The following PPP4R3B variants were observed in gnomAD, a reference collection of about 807,000 sequenced individuals.
PPP4R3B encodes protein phosphatase 4 regulatory subunit 3B.
PPP4R3B carries 52 observed loss-of-function variants against 95.4 expected under a neutral mutation model. That is an observed-to-expected ratio of 0.54 (90% CI 0.44 to 0.69). The LOEUF (loss-of-function observed/expected upper bound fraction) is 0.69, where lower values mean the gene tolerates loss of function less well. PPP4R3B is among the 30% of genes least tolerant of loss of function. The pLI is 0.00. For synonymous variants in PPP4R3B, 407 were observed against 343.9 expected (o/e 1.18, Z -2.03); for missense variants, 1,003 against 1,005.9 (o/e 1.00, Z 0.04).
At chr2:55,567,135 T>C (rs1416656015) in intron 13 of PPP4R3B, among the ~76,000 whole-genome samples, 2 of 152,246 alleles carry the variant, frequency 1.3e-5, no homozygotes, top group African/African-American at 4.8e-5. Context: ...CAGTTATCTG[T>C]TGCATTCCTG....
intron 2 of PPP4R3B, among the ~76,000 whole-genome samples, chr2:55,613,306 A>T (rs1452481551): frequency 2.0e-5 from 3 of 151,628 alleles, no homozygotes; most frequent in African/African-American, 7.3e-5. Context: ...GTGTTTCCAT[A>T]TTCTTCTCAT....
chr2:55,596,001 G>A (rs1691724134), intron 4 of PPP4R3B, among the ~76,000 whole-genome samples: 1 of 152,150 alleles, frequency 6.6e-6, no homozygotes, highest in African/African-American at 2.4e-5. Flanking sequence ...TACTGTTAGG[G>A]TGTAAAGGAT....
At position 55,579,609 on chromosome 2, in the gene PPP4R3B, T is replaced by C. The variant is rs972081882; in HGVS notation, c.1468+70A>G. On this transcript the variant is annotated intron_variant, in intron 9 of 16. Transcript: ENST00000616407. Reference sequence around the variant, plus strand: ...CTTATAAAGTCTCAAGTAAATTGCCTGTTAGTTTAATATTTATCTCATCCT... The same window carrying C: ...CTTATAAAGTCTCAAGTAAATTGCCCGTTAGTTTAATATTTATCTCATCCT... The C allele has an allele frequency of 2.2e-5, 23 of 1,061,900 alleles. No individual in the cohort carries two copies. In the Admixed American group the frequency reaches 6.3e-4, roughly 29 times the overall value. The allele number at this position is 1,061,900 out of a possible 1,614,324, so 65.8% of individuals were successfully genotyped here. A position where few individuals can be genotyped will look rare whatever the true frequency, so the allele number is the denominator to read the frequency against.
At chr2:55,611,953 G>A (rs941564234) in intron 2 of PPP4R3B, among the ~76,000 whole-genome samples, 5 of 152,050 alleles carry the variant, frequency 3.3e-5, no homozygotes, top group East Asian at 1.9e-4. Context: ...GGCTGTTCCC[G>A]AAATCCTCAG....
In PPP4R3B at chr2:55,577,347, A is replaced by C; in HGVS notation, c.1574T>G (p.Val525Gly). 1 of 1,538,918 alleles carries C rather than the reference A, an allele frequency of 6.5e-7. No individual in the cohort carries two copies. Among genetic ancestry groups the C allele is most frequent in the Non-Finnish European group, 8.7e-7 (1 of 1,147,986 alleles). The change falls in exon 11 of 17, where the codon GTT (valine) becomes GGT (glycine). Residue 525 changes from valine (V) to glycine (G), a missense_variant. Transcript: ENST00000616407. ...AATTGTGTTGTTTTTGTTTGATCCAACTATATTATCTAATAAAAAAATTAA... is the reference window on the plus strand; with the variant it reads ...AATTGTGTTGTTTTTGTTTGATCCACCTATATTATCTAATAAAAAAATTAA... ...PSSSISQDNIVGSNKNNTICP... is the reference protein window; with the variant it reads ...PSSSISQDNIGGSNKNNTICP...
At chr2:55,579,849 T>A in intron 8 of PPP4R3B, 68 bp from the exon 9 acceptor site, 1 of 938,504 alleles carries the variant, frequency 1.1e-6, no homozygotes, top group Non-Finnish European at 1.6e-6. Context: ...AGATTAGCAG[T>A]ACATACCTTT....
chr2:55,554,360 G>A (rs1045965916), intron 16 of PPP4R3B, among the ~76,000 whole-genome samples: 12 of 152,278 alleles, frequency 7.9e-5, no homozygotes, highest in African/African-American at 2.9e-4. Context: ...GGCCTGTTGT[G>A]CTATTTTATA....
intron 16 of PPP4R3B, among the ~76,000 whole-genome samples, chr2:55,550,787 C>T (rs1685158354): frequency 6.6e-6 from 1 of 152,134 alleles, no homozygotes. Context: ...GTAACTCATA[C>T]TTCATACCTG....
At chr2:55,595,757 C>G (rs981673980) in intron 4 of PPP4R3B, among the ~76,000 whole-genome samples, 10 of 143,214 alleles carry the variant, frequency 7.0e-5, no homozygotes, top group Non-Finnish European at 1.4e-4. Flanking sequence ...AAAAAAAACA[C>G]AGCCTCACAC....
At chr2:55,609,833 T>C (rs902604987) in intron 2 of PPP4R3B, among the ~76,000 whole-genome samples, 2 of 152,188 alleles carry the variant, frequency 1.3e-5, no homozygotes, top group African/African-American at 4.8e-5. Context: ...ATTGTATGCA[T>C]ATTTGCTTAC....
intron 15 of PPP4R3B, among the ~76,000 whole-genome samples, chr2:55,559,698 C>A (rs951373801): frequency 1.3e-5 from 2 of 152,192 alleles, no homozygotes; most frequent in Admixed American, 1.3e-4. Context: ...GAGGCCTCCC[C>A]AGCTATGTGG....
chr2:55,596,522 T>C (rs1691795009), intron 4 of PPP4R3B, among the ~76,000 whole-genome samples: 1 of 152,224 alleles, frequency 6.6e-6, no homozygotes, highest in African/African-American at 2.4e-5. Flanking sequence ...AATAGAATGA[T>C]GTCTTCTGTT....
At chr2:55,602,485 A>G (rs1692756890) in intron 3 of PPP4R3B, among the ~76,000 whole-genome samples, 2 of 152,160 alleles carry the variant, frequency 1.3e-5, no homozygotes, top group East Asian at 1.9e-4. Context: ...TATGCTAACA[A>G]TGTGCTATGT....
chr2:55,613,954 AT>A (rs1183702345), intron 2 of PPP4R3B, among the ~76,000 whole-genome samples: 2 of 152,156 alleles, frequency 1.3e-5, no homozygotes, highest in African/African-American at 4.8e-5. Context: ...ATTTACTTAA[AT>A]GTCTACCTTA....
Position 55,578,295 on chromosome 2 carries a change from G to A in PPP4R3B, c.1516C>T (p.Pro506Ser), listed in dbSNP as rs753640987. The A allele has an allele frequency of 5.4e-6, 8 of 1,475,518 alleles. No individual in the cohort carries two copies. In the South Asian group the frequency reaches 9.0e-5, roughly 17 times the overall value. The allele number at this position is 1,475,518 out of a possible 1,614,324, so 91.4% of individuals were successfully genotyped here. A position where few individuals can be genotyped will look rare whatever the true frequency, so the allele number is the denominator to read the frequency against. ...GTAGAATGGGAATGGGAATGTGAAG[G>A]GGTACATATGAAACTCCAACTATAT... ...YRYSWSFICT[P>S]SHSHSHSTPS... Residue 506 changes from proline (P) to serine (S), a missense_variant, in exon 10 of 17, where the codon CCT becomes TCT. Around this residue, in one of 3 missense-constraint regions of PPP4R3B, gnomAD observed 695 missense variants for 686.2 expected, o/e 1.01. Transcript: ENST00000616407.
At chr2:55,582,566 G>A (rs1178822548) in intron 7 of PPP4R3B, among the ~76,000 whole-genome samples, 1 of 152,128 alleles carries the variant, frequency 6.6e-6, no homozygotes, top group East Asian at 1.9e-4. Flanking sequence ...TTAAAATTAA[G>A]ATACATTTTG....
chr2:55,560,563 A>G (rs1490320568), intron 15 of PPP4R3B, among the ~76,000 whole-genome samples: 37 of 152,104 alleles, frequency 2.4e-4, no homozygotes, highest in African/African-American at 8.4e-4. Context: ...CGGATCACGA[A>G]GTCAGGAGTT....
chr2:55,562,724 C>T (rs866125409), intron 15 of PPP4R3B, among the ~76,000 whole-genome samples: 6 of 152,288 alleles, frequency 3.9e-5, no homozygotes, highest in African/African-American at 1.4e-4. Flanking sequence ...AAGGACCTTA[C>T]GGATCATAAC....
intron 2 of PPP4R3B, among the ~76,000 whole-genome samples, chr2:55,609,171 T>C (rs915204396): frequency 3.9e-5 from 6 of 152,106 alleles, no homozygotes; most frequent in African/African-American, 1.4e-4. Flanking sequence ...TCATAATTCA[T>C]CTGATTTTTT....
Sources: gnomAD v4.1 joint callset for allele counts (sites outside exome capture counted in the v4.1 genomes callset) on GRCh38, gnomAD v4.1.1 for gene constraint, gnomAD v4.1.1 regional missense constraint, MANE v1.5 for transcripts, NCBI Gene and HGNC (gene_info 2026-07-23, HGNC 2026-07-21) for gene names.